CNBD1: variants seen among roughly 807,000 people sequenced by gnomAD.
CNBD1 encodes cyclic nucleotide binding domain containing 1.
Under a neutral mutation model 54.4 loss-of-function variants are expected in CNBD1, and 71 were observed. The observed-to-expected ratio is 1.30, with a 90% confidence interval of 1.08 to 1.59. The LOEUF (loss-of-function observed/expected upper bound fraction) is 1.59. Ranked by LOEUF, CNBD1 falls within the 40% of genes most tolerant of loss-of-function variation. CNBD1 has a pLI of 0.00. For synonymous variants in CNBD1, 182 were observed against 170.7 expected (o/e 1.07, Z -0.51); for missense variants, 659 against 518.0 (o/e 1.27, Z -2.64).
intron 4 of CNBD1, among the ~76,000 whole-genome samples, chr8:87,156,799 T>C (rs1330222477): frequency 3.9e-5 from 6 of 152,080 alleles, no homozygotes; most frequent in African/African-American, 1.4e-4. Flanking sequence ...TTCAGGAGCA[T>C]AGTGTACAAT....
At chr8:86,890,908 T>C (rs1039209897) in intron 2 of CNBD1, among the ~76,000 whole-genome samples, 16 of 152,098 alleles carry the variant, frequency 1.1e-4, no homozygotes, top group Non-Finnish European at 2.4e-4. Context: ...TTTGGTAAAG[T>C]AGGTGTTCAA....
At chr8:87,384,209 A>C (rs954356137), downstream of CNBD1, among the ~76,000 whole-genome samples, 3 of 152,036 alleles carry the variant, frequency 2.0e-5, no homozygotes, top group African/African-American at 7.2e-5. Flanking sequence ...AAATTTGGCT[A>C]TTTTATCTGT....
At chr8:87,323,527 A>C (rs1331386460) in intron 8 of CNBD1, among the ~76,000 whole-genome samples, 2 of 120,960 alleles carry the variant, frequency 1.7e-5, no homozygotes, top group South Asian at 4.8e-4. Context: ...CATCCCTTGT[A>C]AGTTGGATTC....
At chr8:87,307,259 C>A (rs1585999761) in intron 8 of CNBD1, among the ~76,000 whole-genome samples, 1 of 152,270 alleles carries the variant, frequency 6.6e-6, no homozygotes, top group East Asian at 1.9e-4. Context: ...ACAAACACAA[C>A]TATTGTGAAG....
intron 8 of CNBD1, among the ~76,000 whole-genome samples, chr8:87,327,023 G>C (rs1411293720): frequency 7.3e-5 from 11 of 149,752 alleles, no homozygotes; most frequent in Non-Finnish European, 1.3e-4. Context: ...CCTTCTAACA[G>C]ACAGCACCCT....
intron 4 of CNBD1, among the ~76,000 whole-genome samples, chr8:87,126,040 G>A (rs1034770492): frequency 2.0e-5 from 3 of 151,678 alleles, no homozygotes; most frequent in African/African-American, 7.3e-5. Flanking sequence ...ATATTCTATT[G>A]TATGAATACA....
chr8:87,373,079 G>A (rs1237238605), intron 10 of CNBD1, among the ~76,000 whole-genome samples: 2 of 151,670 alleles, frequency 1.3e-5, no homozygotes, highest in Non-Finnish European at 2.9e-5. Flanking sequence ...CAAGTATTTG[G>A]ATGGGTGAAT....
intron 6 of CNBD1, among the ~76,000 whole-genome samples, chr8:87,281,480 A>G: frequency 6.9e-6 from 1 of 145,040 alleles, no homozygotes. Context: ...CATTTTTTAA[A>G]AAACGATTTT....
intron 10 of CNBD1, among the ~76,000 whole-genome samples, chr8:87,379,076 G>C (rs998809179): frequency 1.3e-5 from 2 of 150,960 alleles, no homozygotes; most frequent in Non-Finnish European, 2.9e-5. Context: ...GGGTTTTCTA[G>C]ATATACAATC....
chr8:87,313,372 T>C (rs1290174581), intron 8 of CNBD1, among the ~76,000 whole-genome samples: 1 of 152,022 alleles, frequency 6.6e-6, no homozygotes, highest in Non-Finnish European at 1.5e-5. Flanking sequence ...GTTAGTCAAG[T>C]ATTTTACACA....
At chr8:87,181,386 C>A (rs767682290) in intron 4 of CNBD1, among the ~76,000 whole-genome samples, 11 of 152,170 alleles carry the variant, frequency 7.2e-5, no homozygotes, top group Admixed American at 5.9e-4. Flanking sequence ...TGCATCTCTA[C>A]AATTTCAAAT....
chr8:87,274,777 G>T (rs1808441025), intron 6 of CNBD1, among the ~76,000 whole-genome samples: 1 of 134,322 alleles, frequency 7.4e-6, no homozygotes, highest in Admixed American at 7.1e-5. Context: ...AGTTTAATTA[G>T]ATCCCATTTG....
chr8:87,011,070 G>T (rs1445187589), intron 4 of CNBD1, among the ~76,000 whole-genome samples: 1 of 152,024 alleles, frequency 6.6e-6, no homozygotes, highest in African/African-American at 2.4e-5. Flanking sequence ...CATAGTTGGA[G>T]AATCTATGGC....
chr8:87,228,981 C>T (rs1457707601), intron 5 of CNBD1, among the ~76,000 whole-genome samples: 6 of 152,174 alleles, frequency 3.9e-5, no homozygotes, highest in Non-Finnish European at 7.4e-5. Context: ...GCGCGGTATT[C>T]GGGTGGGAGT....
chr8:87,296,856 T>A (rs186218574), intron 8 of CNBD1, among the ~76,000 whole-genome samples: 4 of 152,248 alleles, frequency 2.6e-5, no homozygotes, highest in African/African-American at 7.2e-5. Context: ...TATATCATTT[T>A]AAATTTTCTA....
At chr8:87,314,039 C>A (rs1047994638) in intron 8 of CNBD1, among the ~76,000 whole-genome samples, 9 of 151,884 alleles carry the variant, frequency 5.9e-5, no homozygotes, top group Admixed American at 2.6e-4. Flanking sequence ...GTAATAATAG[C>A]ATGAATGCTT....
rs538819750 is a variant in CNBD1 at position 87,036,453 on chromosome 8, G to T, written c.431+96699G>T. 1.6e-4 allele frequency among the ~76,000 whole-genome samples: 25 copies of T among 152,020 alleles called. No individual in the cohort carries two copies. In the Middle Eastern group the frequency reaches 0.017, roughly 103 times the overall value. On this transcript the variant is annotated intron_variant, in intron 4 of 10. Coordinates refer to ENST00000518476, the MANE Select transcript of CNBD1 (RefSeq NM_173538.3). ...ACTGAAAATACAAAAAATTAGCCAGGCGTGGTGGTGGGCGCCTGTAGTCCC... is the reference window on the plus strand; with the variant it reads ...ACTGAAAATACAAAAAATTAGCCAGTCGTGGTGGTGGGCGCCTGTAGTCCC...
At chr8:86,969,780 T>TTATA (rs532815249) in intron 4 of CNBD1, among the ~76,000 whole-genome samples, 43 of 145,342 alleles carry the variant, frequency 3.0e-4, no homozygotes, top group African/African-American at 1.0e-3. Context: ...GACTAGTGTT[T>TTATA]TATATATATA....
At chr8:86,917,366 G>A (rs904510290) in intron 3 of CNBD1, among the ~76,000 whole-genome samples, 3 of 152,160 alleles carry the variant, frequency 2.0e-5, no homozygotes, top group African/African-American at 7.2e-5. Flanking sequence ...AATTACTGCT[G>A]TACAGGAAGA....
Sources: allele counts gnomAD v4.1 joint callset (sites outside exome capture counted in the v4.1 genomes callset), GRCh38; gene constraint gnomAD v4.1.1; transcripts MANE v1.5; gene names NCBI Gene and HGNC (gene_info 2026-07-23, HGNC 2026-07-21).